RDH13: variants seen among roughly 807,000 people sequenced by gnomAD.
The protein encoded by RDH13 is retinol dehydrogenase 13 (all-trans and 9-cis).
RDH13 carries 35 observed loss-of-function variants against 28.3 expected under a neutral mutation model. The observed-to-expected ratio is 1.24, with a 90% CI of 0.95 to 1.64. The LOEUF (loss-of-function observed/expected upper bound fraction) is 1.64. Among genes scored for constraint, RDH13 ranks in the 40% most tolerant of loss-of-function variants. RDH13 has a pLI of 0.00. For synonymous variants in RDH13, 229 were observed against 198.5 expected (o/e 1.15, Z -1.29); for missense variants, 514 against 446.3 (o/e 1.15, Z -1.37).
At chr19:55,063,339 C>T (rs1291134375), upstream of RDH13, 2 of 358,192 alleles carry the variant, frequency 5.6e-6, no homozygotes, top group Non-Finnish European at 1.0e-5. Context: ...AATGACGTCA[C>T]ACTTGCCGCA....
chr19:55,063,442 A>G (rs2075876935), upstream of RDH13: 1 of 214,040 alleles, frequency 4.7e-6, no homozygotes, highest in Non-Finnish European at 9.2e-6. Flanking sequence ...TCTTTCAACT[A>G]TATCAGCCTA....
At chr19:55,052,160 T>A (rs1168039591) in intron 3 of RDH13, among the ~76,000 whole-genome samples, 1 of 147,972 alleles carries the variant, frequency 6.8e-6, no homozygotes, top group African/African-American at 2.5e-5. Flanking sequence ...GGCTCACATC[T>A]GTAATCCCAG....
rs976255600 is a variant in RDH13, at chr19:55,063,094, G to A, written c.-62C>T. The stretch of plus-strand genomic sequence containing the variant: ...GCGCGGAGCTTGCTGCACACCAGCC[G>A]CCTGGGTAGCTCCGAGGAAGAGCGC... On this transcript the variant is annotated 5_prime_UTR_variant, in exon 1 of 7. Transcript: ENST00000415061. 1.5e-5 allele frequency: 19 copies of A among 1,259,946 alleles called. No individual in the cohort carries two copies. Among genetic ancestry groups the A allele is most frequent in the South Asian group, 8.9e-5 (4 of 44,842 alleles). 78.0% of individuals were successfully genotyped at this position (1,259,946 alleles called of 1,614,324 possible).
intron 5 of RDH13, 68 bp downstream of exon 5, chr19:55,048,261 G>C (rs749250952): frequency 1.9e-6 from 3 of 1,600,142 alleles, no homozygotes; most frequent in African/African-American, 1.3e-5. Context: ...CATCAGCCTA[G>C]GATCATGGAA....
chr19:55,062,061 G>A (rs916686853), intron 1 of RDH13, among the ~76,000 whole-genome samples: 18 of 152,040 alleles, frequency 1.2e-4, no homozygotes, highest in Non-Finnish European at 2.6e-4. Context: ...AGGTTGTGGT[G>A]AGCCGAGGTC....
rs371085650 is a variant in RDH13 at position 55,045,183 on chromosome 19, G to A, written c.887C>T (p.Pro296Leu). ...CTCCTCATCCTCAGCCTCGGGGGCC[G>A]GGGCCTTCTGTTTGAGTCCATCGAA... ...KYFDGLKQKA[P>L]APEAEDEEVA... Residue 296 changes from proline (P) to leucine (L), a missense_variant, in exon 7 of 7, where the codon CCG becomes CTG. By Grantham distance (98) the Pro-to-Leu change is moderately conservative. Coordinates refer to ENST00000415061, the MANE Select transcript of RDH13 (RefSeq NM_001145971.2). 1.4e-4 allele frequency: 223 copies of A among 1,613,444 alleles called. No individual in the cohort carries two copies. Among genetic ancestry groups the A allele is most frequent in the Non-Finnish European group, 1.8e-4 (207 of 1,179,984 alleles).
intron 3 of RDH13, among the ~76,000 whole-genome samples, chr19:55,055,287 A>G (rs1185388807): frequency 1.3e-5 from 2 of 151,772 alleles, no homozygotes; most frequent in African/African-American, 2.4e-5. Context: ...TGAGTAGCTG[A>G]GATTACAGGT....
Position 55,048,483 on chromosome 19 carries a change from C to T in RDH13, c.504G>A (p.Arg168=), listed in dbSNP as rs748562829. 1 of 1,614,228 alleles carries T rather than the reference C, an allele frequency of 6.2e-7. No homozygotes were observed. The highest frequency in any genetic ancestry group is 1.1e-5 in the South Asian group (1 of 91,088). ...LDKLKASAPS[R]IINLSSLAHV... ...GGGCCAGGGACGAGAGGTTGATGAT[C>T]CGCGAAGGGGCTGAGGCTTTCAGCT... The change falls in exon 5 of 7, where the codon CGG becomes CGA. Residue 168 remains arginine (R), a synonymous_variant. Coordinates refer to ENST00000415061, the MANE Select transcript of RDH13 (RefSeq NM_001145971.2).
In RDH13 at chr19:55,063,120, G is replaced by C; in HGVS notation, c.-88C>G. 8.5e-7 allele frequency: 1 copy of C among 1,179,204 alleles called. No homozygotes were observed. The highest frequency in any genetic ancestry group is 1.1e-6 in the Non-Finnish European group (1 of 920,654). 73.0% of individuals were successfully genotyped at this position (1,179,204 alleles called of 1,614,324 possible). ...CCTGGGTAGCTCCGAGGAAGAGCGCGCGACGCAGCCACAGGCGAGCGGAGG... is the reference window on the plus strand; with the variant it reads ...CCTGGGTAGCTCCGAGGAAGAGCGCCCGACGCAGCCACAGGCGAGCGGAGG... On this transcript the variant is annotated 5_prime_UTR_variant, in exon 1 of 7. Transcript: ENST00000415061.
At chr19:55,063,160 G>A (rs2075866207), upstream of RDH13, 2 of 900,476 alleles carry the variant, frequency 2.2e-6, no homozygotes, top group South Asian at 3.1e-5. Flanking sequence ...GGCGCGGCTG[G>A]GCCCGCGTCC....
Position 55,063,061 on chromosome 19 carries a change from A to AGGCGTCAGGCGTCG in RDH13, c.-30_-29insCGACGCCTGACGCC, listed in dbSNP as rs56128826. 15 of 1,307,700 alleles carry AGGCGTCAGGCGTCG rather than the reference A, an allele frequency of 1.1e-5. No homozygotes were observed. Among genetic ancestry groups the AGGCGTCAGGCGTCG allele is most frequent in the Non-Finnish European group, 1.5e-5 (15 of 1,015,190 alleles). The allele number at this position is 1,307,700 out of a possible 1,614,324, so 81.0% of individuals were successfully genotyped here. On this transcript the variant is annotated 5_prime_UTR_variant, in exon 1 of 7. Coordinates refer to ENST00000415061, the MANE Select transcript of RDH13 (RefSeq NM_001145971.2). The stretch of plus-strand genomic sequence containing the variant: ...GGGCCGGGGACAGGCGTCAGGCGTC[A>AGGCGTCAGGCGTCG]GGGGTCGGCGCGGAGCTTGCTGCAC...
intron 6 of RDH13, chr19:55,047,012 A>T: frequency 3.7e-6 from 2 of 543,710 alleles, no homozygotes; most frequent in Non-Finnish European, 5.1e-6. Flanking sequence ...GAGTCCTATT[A>T]AGGCCTGCAC....
chr19:55,045,159 T>TC lies in RDH13; in HGVS notation c.910dup (p.Glu304GlyfsTer9). 6.2e-7 allele frequency: 1 copy of TC among 1,613,650 alleles called. No individual in the cohort carries two copies. Among genetic ancestry groups the TC allele is most frequent in the Non-Finnish European group, 8.5e-7 (1 of 1,180,002 alleles). On this transcript the variant is annotated frameshift_variant, in exon 7 of 7. Transcript: ENST00000415061. LOFTEE classifies it high-confidence loss of function. ...TTCAGCCCAAAGCCTCCGGGCCACC[T>TC]CCTCATCCTCAGCCTCGGGGGCCGG...
At chr19:55,068,378 G>C (rs1174809358) in intron 1 of RDH13, 1 of 151,982 alleles carries the variant, frequency 6.6e-6, no homozygotes, top group Non-Finnish European at 1.5e-5. Flanking sequence ...TCTACTACAA[G>C]TACCAAAAAA....
chr19:55,062,960 G>A lies in RDH13; in HGVS notation c.65+8C>T. 3 of 1,480,328 alleles carry A rather than the reference G, an allele frequency of 2.0e-6. No homozygotes were observed. The highest frequency in any genetic ancestry group is 2.9e-5 in the East Asian group (1 of 34,478). The allele number at this position is 1,480,328 out of a possible 1,614,324, so 91.7% of individuals were successfully genotyped here. A position where few individuals can be genotyped will look rare whatever the true frequency, so the allele number is the denominator to read the frequency against. The stretch of plus-strand genomic sequence containing the variant: ...TTGACCGCGCACGCGGGGCTAGAAT[G>A]TACTCACTTGAGCAGCACGGCGGCG... On this transcript the variant is annotated splice_region_variant and intron_variant, in intron 1 of 6. Coordinates refer to ENST00000415061, the MANE Select transcript of RDH13 (RefSeq NM_001145971.2).
chr19:55,053,160 T>C (rs1484718422), intron 3 of RDH13, among the ~76,000 whole-genome samples: 1 of 150,988 alleles, frequency 6.6e-6, no homozygotes, highest in African/African-American at 2.5e-5. Flanking sequence ...CCAAAACTTC[T>C]GTCTCCCAAA....
At position 55,048,360 on chromosome 19, in the gene RDH13, G is replaced by C. The variant is rs371845646; in HGVS notation, c.627C>G (p.Leu209=). The change falls in exon 5 of 7, where the codon CTC becomes CTG. Residue 209 remains leucine, a synonymous_variant. Coordinates refer to ENST00000415061, the MANE Select transcript of RDH13 (RefSeq NM_001145971.2). ...GCCGCCGGCTCAGCTCCTTGGTGAA[G>C]AGGACGATGGCGAGCTTGCTCTGGC... ...AYCQSKLAIV[L]FTKELSRRLQ... 1 of 1,614,180 alleles carries C rather than the reference G, an allele frequency of 6.2e-7. No homozygotes were observed. The highest frequency in any genetic ancestry group is 2.2e-5 in the East Asian group (1 of 44,890).
chr19:55,067,187 GGA>G (rs1164691907), upstream of RDH13: 1 of 152,424 alleles, frequency 6.6e-6, no homozygotes, highest in Non-Finnish European at 1.5e-5. Flanking sequence ...AGGGTGGACA[GGA>G]GAGGATGGTA....
At chr19:55,049,594 A>C (rs990333628) in intron 3 of RDH13, among the ~76,000 whole-genome samples, 1 of 152,120 alleles carries the variant, frequency 6.6e-6, no homozygotes, top group Non-Finnish European at 1.5e-5. Context: ...GTTTGAGACC[A>C]GCCTGGCCAA....
Sources: gnomAD v4.1 joint callset for allele counts (sites outside exome capture counted in the v4.1 genomes callset) on GRCh38, gnomAD v4.1.1 for gene constraint, MANE v1.5 for transcripts, NCBI Gene and HGNC (gene_info 2026-07-23, HGNC 2026-07-21) for gene names.